The following SYNE1 variants were observed in gnomAD, a reference collection of about 807,000 sequenced individuals.
The protein encoded by SYNE1 is nesprin-1.
Under a neutral mutation model 1,111.0 loss-of-function variants are expected in SYNE1, and 616 were observed. The ratio of observed to expected loss-of-function variants is 0.55; its 90% CI spans 0.52 to 0.59. SYNE1 has a LOEUF of 0.59. Among genes scored for constraint, SYNE1 ranks in the 20% least tolerant of loss-of-function variants. The pLI is 0.00. For synonymous variants in SYNE1, 3,855 were observed against 3,825.8 expected (o/e 1.01, Z -0.28); for missense variants, 10,006 against 10,417.0 (o/e 0.96, Z 1.72).
chr6:152,488,548 T>C (rs762539787), intron 11 of SYNE1, 45 bp from the exon 12 acceptor site: 13 of 1,023,032 alleles, frequency 1.3e-5, no homozygotes, highest in Non-Finnish European at 1.7e-5. Context: ...TCTGTGCATT[T>C]ATTTAATTGC....
At position 152,387,241 on chromosome 6, in the gene SYNE1, A is replaced by G. The variant is rs756081322; in HGVS notation, c.8318T>C (p.Leu2773Pro). The change falls in exon 54 of 146, where the codon CTT (leucine) becomes CCT (proline). Residue 2773 changes from leucine (L) to proline (P), a missense_variant. Physicochemically the swap from Leu to Pro is moderately conservative, Grantham distance 98. This residue lies in a region of SYNE1 where 4,955 missense variants were observed against 5,017.2 expected (regional missense o/e 0.99). Transcript: ENST00000367255. ...QPGLKEKFVL[L>P]DHLQSILSEA... ...AGACAGGATGGACTGGAGGTGGTCA[A>G]GCAGGACGAACTTCTCTTTCAGACC... is the stretch of plus-strand genomic sequence containing the variant. 4 of 1,614,178 alleles carry G rather than the reference A, an allele frequency of 2.5e-6. No homozygotes were observed. Among genetic ancestry groups the G allele is most frequent in the Non-Finnish European group, 3.4e-6 (4 of 1,180,016 alleles).
Position 152,316,929 on chromosome 6 carries a change from C to T in SYNE1, c.16630G>A (p.Glu5544Lys). 6.2e-7 allele frequency: 1 copy of T among 1,614,116 alleles called. No individual in the cohort carries two copies. The highest frequency in any genetic ancestry group is 8.5e-7 in the Non-Finnish European group (1 of 1,180,012). The change falls in exon 87 of 146, where the codon GAA (glutamate) becomes AAA (lysine). Residue 5544 changes from glutamate (E) to lysine (K), a missense_variant. By Grantham distance (56) the Glu-to-Lys change is moderately conservative (BLOSUM62 1). Coordinates refer to ENST00000367255, the MANE Select transcript of SYNE1 (RefSeq NM_182961.4). ...EMLELILKWIEKAKVLAHGTI... is the reference protein window; with the variant it reads ...EMLELILKWIKKAKVLAHGTI... ...CCATGAGCCAAGACTTTAGCTTTTT[C>T]AATCCACTTCAAAATTAATTCAAGC...
At chr6:152,156,425 T>C (rs1019285245) in intron 131 of SYNE1, among the ~76,000 whole-genome samples, 1 of 152,224 alleles carries the variant, frequency 6.6e-6, no homozygotes, top group Non-Finnish European at 1.5e-5. Flanking sequence ...ATCACTTTCA[T>C]TCCAATCAAT....
Position 152,278,117 on chromosome 6 carries a change from G to T in SYNE1, c.18545C>A (p.Ala6182Asp). ...CATGTTGAGCTGCTTATCATGCAGG[G>T]CTCTCTGCAGCTCCAGCAGGCTCCC... ...LKGSLLELQRALHDKQLNMQG... is the reference protein window; with the variant it reads ...LKGSLLELQRDLHDKQLNMQG... The change falls in exon 98 of 146, where the codon GCC (alanine) becomes GAC (aspartate). Residue 6182 changes from alanine (A) to aspartate (D), a missense_variant. This residue lies in a region of SYNE1 where 2,182 missense variants were observed against 2,287.8 expected (regional missense o/e 0.95). Coordinates refer to ENST00000367255, the MANE Select transcript of SYNE1 (RefSeq NM_182961.4). 3.7e-6 allele frequency: 6 copies of T among 1,613,916 alleles called. No homozygotes were observed. The highest frequency in any genetic ancestry group is 5.1e-6 in the Non-Finnish European group (6 of 1,180,018).
intron 144 of SYNE1, among the ~76,000 whole-genome samples, chr6:152,131,452 AATC>A (rs1159481024): frequency 1.3e-5 from 2 of 152,222 alleles, no homozygotes; most frequent in Non-Finnish European, 2.9e-5. Flanking sequence ...GAATGAATAT[AATC>A]ATAAAGCTGG....
At position 152,628,305 on chromosome 6, in the gene SYNE1, C is replaced by T; in HGVS notation, c.27G>A (p.Arg9=). 1 of 1,614,196 alleles carries T rather than the reference C, an allele frequency of 6.2e-7. No individual in the cohort carries two copies. The highest frequency in any genetic ancestry group is 8.5e-7 in the Non-Finnish European group (1 of 1,180,034). Residue 9 remains arginine (R), a synonymous_variant, in exon 3 of 146, where the codon CGG becomes CGA. Transcript: ENST00000367255. MATSRGAS[R]CPRDIANVMQ... ...TCACATTGGCGATATCCCGAGGACACCGGGAGGCCCCTCTGGAGGTTGCCA... is the reference window on the plus strand; with the variant it reads ...TCACATTGGCGATATCCCGAGGACATCGGGAGGCCCCTCTGGAGGTTGCCA...
intron 3 of SYNE1, among the ~76,000 whole-genome samples, chr6:152,544,380 G>C (rs561197689): frequency 7.9e-5 from 12 of 152,262 alleles, no homozygotes; most frequent in African/African-American, 2.6e-4. Flanking sequence ...CAACCACAGA[G>C]GAGTTCCAAA....
chr6:152,133,028 G>A (rs910792678), intron 143 of SYNE1, among the ~76,000 whole-genome samples: 1 of 152,162 alleles, frequency 6.6e-6, no homozygotes, highest in Non-Finnish European at 1.5e-5. Context: ...CACAGCAGTT[G>A]TGGTAATAGC....
At chr6:152,442,391 G>C (rs1419865033) in intron 30 of SYNE1, 146 bp from the exon 31 acceptor site, 1 of 851,418 alleles carries the variant, frequency 1.2e-6, no homozygotes, top group Non-Finnish European at 1.9e-6. Context: ...AATGGTAGTC[G>C]GTTGCTATAT....
At position 152,388,698 on chromosome 6, in the gene SYNE1, G is replaced by A. The variant is rs576696870; in HGVS notation, c.8178-1317C>T. On this transcript the variant is annotated intron_variant, in intron 53 of 145. Transcript: ENST00000367255. ...TGTGCTGGTGTCTGAGCTTTTAGAG[G>A]GCAAAAACCTTTCTGTTTTATTTCA... Among the ~76,000 whole-genome samples the A allele has an allele frequency of 1.7e-4, 26 of 152,076 alleles. No individual in the cohort carries two copies. The East Asian group carries it at 1.9e-3, about 11-fold the overall frequency.
chr6:152,510,914 C>A (rs1303098274), intron 7 of SYNE1, 97 bp downstream of exon 7: 3 of 1,110,736 alleles, frequency 2.7e-6, no homozygotes, highest in Non-Finnish European at 4.1e-6. Context: ...TAAGGATCAA[C>A]CCCAAAGATA....
At chr6:152,573,953 T>C (rs2099484994) in intron 3 of SYNE1, among the ~76,000 whole-genome samples, 1 of 152,118 alleles carries the variant, frequency 6.6e-6, no homozygotes, top group Non-Finnish European at 1.5e-5. Flanking sequence ...ATTTTAACTT[T>C]ACGGGCTGTG....
In SYNE1 at chr6:152,326,060, C is replaced by A. The variant is rs1454257020; in HGVS notation, c.15336G>T (p.Glu5112Asp). 4.3e-6 allele frequency: 7 copies of A among 1,614,036 alleles called. No homozygotes were observed. The East Asian group carries it at 1.6e-4, about 36-fold the overall frequency. Residue 5112 changes from glutamate to aspartate, a missense_variant, in exon 80 of 146, where the codon GAG becomes GAT. This residue lies in a region of SYNE1 where 4,955 missense variants were observed against 5,017.2 expected (regional missense o/e 0.99). Coordinates refer to ENST00000367255, the MANE Select transcript of SYNE1 (RefSeq NM_182961.4). Reference protein sequence around the residue: ...QWHDYQKAREEVIELMNDTEK... With the variant: ...QWHDYQKAREDVIELMNDTEK... ...CTGTATCATTCATCAATTCAATAAC[C>A]TCTTCCCTTGCTTTCTGGTAATCGT...
rs763157091 is a variant in SYNE1 at position 152,176,516 on chromosome 6, C to T, written c.23505G>A (p.Gln7835=). ...CAAGTCGTTCTCCCATTTGTTGGAG[C>T]TGTATTTTGTTCTCTTGAGCAATAG... ...EIAIAQENKI[Q]LQQMGERLAK... The change falls in exon 130 of 146, where the codon CAG becomes CAA. Residue 7835 remains glutamine, a synonymous_variant. Coordinates refer to ENST00000367255, the MANE Select transcript of SYNE1 (RefSeq NM_182961.4). The T allele has an allele frequency of 6.2e-6, 10 of 1,613,862 alleles. No homozygotes were observed. Among genetic ancestry groups the T allele is most frequent in the Non-Finnish European group, 8.5e-6 (10 of 1,179,874 alleles).
intron 16 of SYNE1, 133 bp downstream of exon 16, chr6:152,471,464 G>A (rs2098805137): frequency 3.7e-6 from 3 of 816,804 alleles, no homozygotes; most frequent in Admixed American, 4.4e-5. Flanking sequence ...TCATAAACTT[G>A]TATCTAACCC....
rs2097498154 is a variant in SYNE1 at position 152,384,831 on chromosome 6, G to A, written c.8652+843C>T. On this transcript the variant is annotated intron_variant, in intron 55 of 145. Transcript: ENST00000367255. Reference sequence around the variant, plus strand: ...GGAGGCAGAGGTTGCAGTGAGCCAAGATCGTGCCACTGCACTCCAGCCTGG... The same window carrying A: ...GGAGGCAGAGGTTGCAGTGAGCCAAAATCGTGCCACTGCACTCCAGCCTGG... Among the ~76,000 whole-genome samples, 6 of 150,874 alleles carry A rather than the reference G, an allele frequency of 4.0e-5. No individual in the cohort carries two copies. The South Asian group carries it at 1.3e-3, about 32-fold the overall frequency.
intron 32 of SYNE1, among the ~76,000 whole-genome samples, chr6:152,439,992 C>G (rs182876582): frequency 2.6e-4 from 39 of 152,222 alleles, no homozygotes; most frequent in Admixed American, 4.6e-4. Context: ...TCATCTTTTC[C>G]CATGAACAAC....
At chr6:152,455,729 T>C (rs1593071281) in intron 23 of SYNE1, 139 bp from the exon 24 acceptor site, 4 of 1,368,692 alleles carry the variant, frequency 2.9e-6, no homozygotes, top group East Asian at 4.9e-5. Context: ...CTCTTTTCAA[T>C]ATTAATTAAT....
chr6:152,310,942 T>A lies in SYNE1; in HGVS notation c.16711-69A>T. On this transcript the variant is annotated intron_variant, in intron 87 of 145. Coordinates refer to ENST00000367255, the MANE Select transcript of SYNE1 (RefSeq NM_182961.4). Reference sequence around the variant, plus strand: ...AGGGATATAGATATTCAATATAGCTTGGCATAAAATGCCCTGTGTAAGTTC... The same window carrying A: ...AGGGATATAGATATTCAATATAGCTAGGCATAAAATGCCCTGTGTAAGTTC... 3 of 1,499,032 alleles carry A rather than the reference T, an allele frequency of 2.0e-6. No individual in the cohort carries two copies. The Admixed American group carries it at 5.6e-5, about 28-fold the overall frequency. 92.9% of individuals were successfully genotyped at this position (1,499,032 alleles called of 1,614,324 possible).
Sources: gnomAD v4.1 joint callset for allele counts (sites outside exome capture counted in the v4.1 genomes callset) on GRCh38, gnomAD v4.1.1 for gene constraint, gnomAD v4.1.1 regional missense constraint, MANE v1.5 for transcripts, NCBI Gene and HGNC (gene_info 2026-07-23, HGNC 2026-07-21) for gene names.